CLIC5: variants seen among roughly 807,000 people sequenced by gnomAD.
CLIC5 encodes the protein chloride intracellular channel protein 5.
In CLIC5, 20 loss-of-function variants were observed where a neutral mutation model predicts 24.7. The ratio of observed to expected loss-of-function variants is 0.81; its 90% confidence interval spans 0.57 to 1.18. CLIC5 has a LOEUF of 1.18. CLIC5 is among the 50% of genes most tolerant of loss of function. The pLI, the probability that CLIC5 is intolerant of heterozygous loss-of-function variation, is 0.00. For synonymous variants in CLIC5, 159 were observed against 135.6 expected, an observed-to-expected ratio of 1.17 and a Z score of -1.20; for missense variants, 341 against 326.1, an observed-to-expected ratio of 1.05 and a Z score of -0.35.
At position 46,046,037 on chromosome 6, in the gene CLIC5, G is replaced by A. The variant is rs536989359; in HGVS notation, c.540+33666C>T. ...ATGGGATTGGGGAGCTGGGGCTGAG[G>A]AGAGGGTGCCAGAATTACTCCATAG... On this transcript the variant is annotated intron_variant, in intron 1 of 5. Coordinates refer to the CLIC5 transcript ENST00000185206. Among the ~76,000 whole-genome samples the A allele has an allele frequency of 3.3e-5, 5 of 152,306 alleles. No individual in the cohort carries two copies. In the East Asian group the frequency reaches 9.7e-4, roughly 29 times the overall value.
chr6:45,952,887 T>G (rs1317006765), intron 2 of CLIC5, among the ~76,000 whole-genome samples: 1 of 152,198 alleles, frequency 6.6e-6, no homozygotes, highest in Non-Finnish European at 1.5e-5. Context: ...TTCATAAGTC[T>G]GCTGCTCTCT....
chr6:45,908,964 G>T (rs1289927440), intron 5 of CLIC5, among the ~76,000 whole-genome samples: 1 of 151,610 alleles, frequency 6.6e-6, no homozygotes, highest in Non-Finnish European at 1.5e-5. Flanking sequence ...CCAGTGTTGG[G>T]TGTGTATATA....
At chr6:46,087,531 C>T in the CLIC5 span, among the ~76,000 whole-genome samples, 1 of 152,042 alleles carries the variant, frequency 6.6e-6, no homozygotes, top group Non-Finnish European at 1.5e-5. Flanking sequence ...AACCCCAGCA[C>T]CTGACTCTCA....
intron 1 of CLIC5, among the ~76,000 whole-genome samples, chr6:45,963,791 T>C (rs1764929047): frequency 6.6e-6 from 1 of 152,158 alleles, no homozygotes; most frequent in Non-Finnish European, 1.5e-5. Context: ...TATTCTAGAA[T>C]TTGCCTCATT....
intron 6 of CLIC5, among the ~76,000 whole-genome samples, chr6:45,888,805 A>T (rs1257812246): frequency 6.6e-6 from 1 of 152,198 alleles, no homozygotes; most frequent in East Asian, 1.9e-4. Context: ...ACTTCTGATG[A>T]ATTATTATAT....
chr6:46,069,392 C>T (rs1762527301), intron 1 of CLIC5, among the ~76,000 whole-genome samples: 1 of 151,964 alleles, frequency 6.6e-6, no homozygotes, highest in Admixed American at 6.6e-5. Flanking sequence ...TCACTGACTC[C>T]ACAGGAATAC....
chr6:46,094,498 T>C, the CLIC5 span, among the ~76,000 whole-genome samples: 6,160 of 152,216 alleles, frequency 0.04, 155 homozygotes, highest in Middle Eastern at 0.061. Context: ...AAAGGAGAAA[T>C]TGGCCCAAAA....
intron 4 of CLIC5, among the ~76,000 whole-genome samples, chr6:45,931,357 C>T (rs1342000477): frequency 1.3e-5 from 2 of 152,172 alleles, no homozygotes; most frequent in African/African-American, 2.4e-5. Flanking sequence ...GAGCTAGTAT[C>T]GCTATCCCAG....
Position 46,000,002 on chromosome 6 carries a change from G to A in CLIC5, c.63+15478C>T, listed in dbSNP as rs541907231. Among the ~76,000 whole-genome samples, 2 of 25,696 alleles carry A rather than the reference G, an allele frequency of 7.8e-5. 1 individual carries two copies. Among genetic ancestry groups the A allele is most frequent in the Non-Finnish European group, 1.5e-4 (2 of 13,632 alleles). The allele number at this position is 25,696 out of a possible 152,430, so 16.9% of individuals were successfully genotyped here. The stretch of plus-strand genomic sequence containing the variant: ...CCTGACCTCATGATCCACCCGCCTC[G>A]GCCTCCCAAAGTGCTGGGATTACAG... On this transcript the variant is annotated intron_variant, in intron 1 of 5. Coordinates refer to ENST00000339561, the MANE Select transcript of CLIC5 (RefSeq NM_016929.5).
chr6:45,968,660 C>A (rs1255514529), intron 1 of CLIC5, among the ~76,000 whole-genome samples: 1 of 152,176 alleles, frequency 6.6e-6, no homozygotes, highest in Non-Finnish European at 1.5e-5. Flanking sequence ...GGCAAGACTT[C>A]AAAAACAACA....
the CLIC5 span, among the ~76,000 whole-genome samples, chr6:46,092,744 G>A: frequency 6.6e-6 from 1 of 151,906 alleles, no homozygotes; most frequent in Non-Finnish European, 1.5e-5. Flanking sequence ...ACTATATCTT[G>A]TTGTTCTCAG....
intron 1 of CLIC5, among the ~76,000 whole-genome samples, chr6:45,969,804 T>C (rs959316716): frequency 1.5e-4 from 23 of 150,430 alleles, no homozygotes; most frequent in Admixed American, 6.0e-4. Context: ...AGGTTTTTTT[T>C]TTTTTTTTTT....
upstream of CLIC5, chr6:46,016,005 G>T (rs1214965184): frequency 6.3e-6 from 4 of 634,916 alleles, no homozygotes; most frequent in Non-Finnish European, 7.8e-6. Flanking sequence ...GGCAGGAGGC[G>T]GAGACAGAGC....
Position 45,967,493 on chromosome 6 carries a change from G to A in CLIC5, c.64-12249C>T, listed in dbSNP as rs555354911. ...CCTAATGTGAGCCTCAAAGGTAAGA[G>A]AGTTTATTCATACAAAGTGGCAGGT... is the stretch of plus-strand genomic sequence containing the variant. On this transcript the variant is annotated intron_variant, in intron 1 of 5. Transcript: ENST00000339561. 2.6e-3 allele frequency among the ~76,000 whole-genome samples: 400 copies of A among 152,294 alleles called. 6 individuals carry two copies. Among genetic ancestry groups the A allele is most frequent in the African/African-American group, 9.2e-3 (382 of 41,562 alleles).
At chr6:46,061,077 A>T (rs1762253085) in intron 1 of CLIC5, among the ~76,000 whole-genome samples, 1 of 152,278 alleles carries the variant, frequency 6.6e-6, no homozygotes. Flanking sequence ...GCAATAGACG[A>T]GAGGCTCATT....
chr6:46,128,997 C>T, the CLIC5 span, among the ~76,000 whole-genome samples: 1 of 152,138 alleles, frequency 6.6e-6, no homozygotes, highest in Non-Finnish European at 1.5e-5. Context: ...TATCTAAGGT[C>T]CAGTACTGCA....
At chr6:46,044,260 A>G (rs1022345340) in intron 1 of CLIC5, among the ~76,000 whole-genome samples, 5 of 152,172 alleles carry the variant, frequency 3.3e-5, no homozygotes, top group Non-Finnish European at 5.9e-5. Flanking sequence ...AAAGGAAAAT[A>G]CCTTGATAAA....
chr6:46,034,653 C>G (rs1767612303), intron 1 of CLIC5, among the ~76,000 whole-genome samples: 1 of 152,180 alleles, frequency 6.6e-6, no homozygotes, highest in South Asian at 2.1e-4. Flanking sequence ...GCTTTGGGCA[C>G]TCTGTCAAAT....
rs528298163 is a variant in CLIC5 at position 46,003,763 on chromosome 6, C to T, written c.63+11717G>A. On this transcript the variant is annotated intron_variant, in intron 1 of 5. Transcript: ENST00000339561. ...TTAAATTACAGGTATCTGGGACCTC[C>T]TTCCCTGAAGACTCTGATTCACACA... Among the ~76,000 whole-genome samples the T allele has an allele frequency of 4.6e-5, 7 of 152,288 alleles. No homozygotes were observed. The South Asian group carries it at 1.5e-3, about 32-fold the overall frequency.
Sources: allele counts gnomAD v4.1 joint callset (sites outside exome capture counted in the v4.1 genomes callset), GRCh38; gene constraint gnomAD v4.1.1; transcripts MANE v1.5; gene names NCBI Gene and HGNC (gene_info 2026-07-23, HGNC 2026-07-21).